The following PTPRD variants were observed in gnomAD, a reference collection of about 807,000 sequenced individuals.
PTPRD encodes protein tyrosine phosphatase receptor type D, also known as receptor-type tyrosine-protein phosphatase delta.
In PTPRD, 34 loss-of-function variants were observed where a neutral mutation model predicts 214.5. The ratio of observed to expected loss-of-function variants is 0.16; its 90% CI spans 0.12 to 0.21. The LOEUF (loss-of-function observed/expected upper bound fraction) is 0.21. Ranked by LOEUF, PTPRD falls within the 10% of genes least tolerant of loss-of-function variation. PTPRD has a pLI of 1.00. For missense variants in PTPRD, 2,545 were observed against 2,398.7 expected, an observed-to-expected ratio of 1.06 and a Z score of -1.27; for synonymous variants, 1,128 against 845.7, an observed-to-expected ratio of 1.33 and a Z score of -5.79.
intron 9 of PTPRD, among the ~76,000 whole-genome samples, chr9:9,344,848 A>C (rs2137614531): frequency 6.6e-6 from 1 of 152,208 alleles, no homozygotes; most frequent in South Asian, 2.1e-4. Context: ...AAAAAATGAG[A>C]TGTACCTGTG....
intron 5 of PTPRD, among the ~76,000 whole-genome samples, chr9:9,927,288 T>C (rs1386587645): frequency 6.6e-6 from 1 of 152,104 alleles, no homozygotes; most frequent in African/African-American, 2.4e-5. Flanking sequence ...CCCACCTAAA[T>C]CAATCTCTGT....
intron 2 of PTPRD, among the ~76,000 whole-genome samples, chr9:10,424,146 A>G (rs911659316): frequency 6.6e-6 from 1 of 151,994 alleles, no homozygotes; most frequent in Non-Finnish European, 1.5e-5. Flanking sequence ...TTATGGTCAT[A>G]TCCAGAGACT....
intron 9 of PTPRD, among the ~76,000 whole-genome samples, chr9:9,216,996 G>C (rs2133163055): frequency 6.6e-6 from 1 of 152,062 alleles, no homozygotes; most frequent in Admixed American, 6.5e-5. Flanking sequence ...TTAAAGAGTA[G>C]AGGGCAAAAA....
chr9:9,535,813 G>C (rs1234488746), intron 8 of PTPRD, among the ~76,000 whole-genome samples: 2 of 152,042 alleles, frequency 1.3e-5, no homozygotes, highest in East Asian at 3.9e-4. Flanking sequence ...TGTATAAAGA[G>C]TTAAATTGTG....
chr9:9,733,372 C>T lies in PTPRD; in HGVS notation c.-287+1161G>A, dbSNP rs372530581. On this transcript the variant is annotated intron_variant, in intron 7 of 45. Transcript: ENST00000381196. Reference sequence around the variant, plus strand: ...CTTAGTGATGAGATCTGATATACAACTTTAAGTTTTCTGTTTGTGTGCAAT... The same window carrying T: ...CTTAGTGATGAGATCTGATATACAATTTTAAGTTTTCTGTTTGTGTGCAAT... Among the ~76,000 whole-genome samples the T allele has an allele frequency of 9.2e-5, 14 of 152,216 alleles. No homozygotes were observed. In the East Asian group the frequency reaches 2.5e-3, roughly 27 times the overall value.
chr9:8,966,158 T>A (rs771439237), intron 11 of PTPRD, among the ~76,000 whole-genome samples: 13 of 152,092 alleles, frequency 8.5e-5, no homozygotes, highest in Non-Finnish European at 1.3e-4. Flanking sequence ...GCATATGGAT[T>A]GGAAGACTCA....
chr9:10,157,845 C>T (rs998248691), intron 3 of PTPRD, among the ~76,000 whole-genome samples: 1 of 151,934 alleles, frequency 6.6e-6, no homozygotes, highest in South Asian at 2.1e-4. Context: ...ATTTTTTATT[C>T]TTTTTTCTCT....
At chr9:9,284,952 G>C (rs1354669635) in intron 9 of PTPRD, among the ~76,000 whole-genome samples, 2 of 151,702 alleles carry the variant, frequency 1.3e-5, no homozygotes, top group African/African-American at 4.8e-5. Flanking sequence ...GCAAATGTTA[G>C]ACAATGTCAA....
chr9:8,358,330 A>G (rs1243142873), intron 39 of PTPRD, among the ~76,000 whole-genome samples: 7 of 152,070 alleles, frequency 4.6e-5, no homozygotes, highest in Admixed American at 2.6e-4. Context: ...GTTTAAACAT[A>G]ATTTAAAGTC....
chr9:9,422,916 C>G (rs922173549), intron 8 of PTPRD, among the ~76,000 whole-genome samples: 4 of 152,034 alleles, frequency 2.6e-5, no homozygotes, highest in Non-Finnish European at 5.9e-5. Context: ...GTTACAGACA[C>G]AAAAATTAGA....
intron 12 of PTPRD, among the ~76,000 whole-genome samples, chr9:8,728,696 T>C (rs1316227840): frequency 6.6e-6 from 1 of 152,198 alleles, no homozygotes; most frequent in African/African-American, 2.4e-5. Flanking sequence ...AAAAAATGTT[T>C]TTGGCTGGCA....
intron 2 of PTPRD, among the ~76,000 whole-genome samples, chr9:10,466,349 T>C (rs72700907): frequency 0.16 from 24,168 of 151,640 alleles, 2,290 homozygotes; most frequent in African/African-American, 0.27. Context: ...TTATGCCGGG[T>C]GCGGTGGCTG....
intron 12 of PTPRD, among the ~76,000 whole-genome samples, chr9:8,730,917 G>C (rs976604671): frequency 7.2e-6 from 1 of 138,858 alleles, no homozygotes; most frequent in Non-Finnish European, 1.6e-5. Flanking sequence ...GAAACAACAA[G>C]CAAAATCATC....
At position 9,244,518 on chromosome 9, in the gene PTPRD, C is replaced by G. The variant is rs375926581; in HGVS notation, c.-202-61155G>C. 1.6e-4 allele frequency among the ~76,000 whole-genome samples: 24 copies of G among 152,152 alleles called. No individual in the cohort carries two copies. The East Asian group carries it at 2.7e-3, about 17-fold the overall frequency. On this transcript the variant is annotated intron_variant, in intron 9 of 45. Coordinates refer to ENST00000381196, the MANE Select transcript of PTPRD (RefSeq NM_002839.4). ...ACTATCTGATCTTTGACAAACCTGA[C>G]AAAAACAAGCAATGGGGAAAGGATT... is the stretch of plus-strand genomic sequence containing the variant.
At chr9:8,812,359 T>C (rs1187828417) in intron 11 of PTPRD, among the ~76,000 whole-genome samples, 1 of 152,240 alleles carries the variant, frequency 6.6e-6, no homozygotes, top group Admixed American at 6.5e-5. Flanking sequence ...TCAGTCATTC[T>C]TGGATAATAA....
intron 2 of PTPRD, among the ~76,000 whole-genome samples, chr9:10,370,502 C>T (rs1383023972): frequency 6.6e-6 from 1 of 151,978 alleles, no homozygotes; most frequent in South Asian, 2.1e-4. Flanking sequence ...TACTAAACTT[C>T]TACATGTTTG....
chr9:9,079,698 C>A (rs324478), intron 10 of PTPRD, among the ~76,000 whole-genome samples: 79,186 of 151,880 alleles, frequency 0.52, 21,484 homozygotes, highest in Non-Finnish European at 0.59. Context: ...CAGCTCTTGA[C>A]AGCTGACAGA....
At chr9:10,133,565 T>C (rs1462814703) in intron 3 of PTPRD, among the ~76,000 whole-genome samples, 1 of 152,070 alleles carries the variant, frequency 6.6e-6, no homozygotes, top group Non-Finnish European at 1.5e-5. Context: ...TCTACCAGAA[T>C]GTAAACTAAT....
chr9:10,216,381 T>C (rs1288416009), intron 3 of PTPRD, among the ~76,000 whole-genome samples: 3 of 151,900 alleles, frequency 2.0e-5, no homozygotes, highest in African/African-American at 7.3e-5. Flanking sequence ...GGGGGTTCAC[T>C]TTATTATTTT....
Sources: allele counts gnomAD v4.1 joint callset (sites outside exome capture counted in the v4.1 genomes callset), GRCh38; gene constraint gnomAD v4.1.1; transcripts MANE v1.5; gene names NCBI Gene and HGNC (gene_info 2026-07-23, HGNC 2026-07-21).